The following PDCD6IP variants were observed in gnomAD, a reference collection of about 807,000 sequenced individuals.
PDCD6IP encodes the protein programmed cell death 6-interacting protein.
In PDCD6IP, 43 loss-of-function variants were observed where a neutral mutation model predicts 103.7. That is an observed-to-expected ratio of 0.41 (90% CI 0.32 to 0.53). The LOEUF (loss-of-function observed/expected upper bound fraction) is 0.53, where lower values mean the gene tolerates loss of function less well. Ranked by LOEUF, PDCD6IP falls within the 20% of genes least tolerant of loss-of-function variation. PDCD6IP has a pLI of 0.16. For missense variants in PDCD6IP, 871 were observed against 1,036.7 expected, an observed-to-expected ratio of 0.84 and a Z score of 2.20; for synonymous variants, 354 against 378.7, an observed-to-expected ratio of 0.93 and a Z score of 0.76.
intron 7 of PDCD6IP, among the ~76,000 whole-genome samples, chr3:33,829,877 G>T (rs1018893856): frequency 5.9e-5 from 9 of 152,180 alleles, no homozygotes; most frequent in Admixed American, 5.9e-4. Context: ...GAGGGCCTTT[G>T]TGTTGTGTTA....
At chr3:33,858,249 A>G (rs1697872441) in intron 15 of PDCD6IP, among the ~76,000 whole-genome samples, 1 of 152,248 alleles carries the variant, frequency 6.6e-6, no homozygotes, top group Non-Finnish European at 1.5e-5. Context: ...CAGTATTTCA[A>G]AAAGAAGGCT....
At position 33,798,781 on chromosome 3, in the gene PDCD6IP, C is replaced by T; in HGVS notation, c.53C>T (p.Ala18Val). Residue 18 changes from alanine (A) to valine (V), a missense_variant, in exon 1 of 18, where the codon GCC becomes GTC. Physicochemically the swap from Ala to Val is moderately conservative, Grantham distance 64 (BLOSUM62 0). Transcript: ENST00000307296. ...QLKKTSEVDL[A>V]KPLVKFIQQT... ...AAAAAGACCTCAGAGGTGGACCTGGCCAAGCCGCTGGTGAAGTTCATCCAG... is the reference window on the plus strand; with the variant it reads ...AAAAAGACCTCAGAGGTGGACCTGGTCAAGCCGCTGGTGAAGTTCATCCAG... The T allele has an allele frequency of 6.4e-7, 1 of 1,574,054 alleles. No homozygotes were observed. The highest frequency in any genetic ancestry group is 8.6e-7 in the Non-Finnish European group (1 of 1,160,756).
At chr3:33,838,944 C>T (rs1210166216) in intron 9 of PDCD6IP, among the ~76,000 whole-genome samples, 17 of 151,726 alleles carry the variant, frequency 1.1e-4, no homozygotes, top group Non-Finnish European at 2.5e-4. Flanking sequence ...TAGCTGAGGC[C>T]ACAGGTGCAA....
intron 4 of PDCD6IP, among the ~76,000 whole-genome samples, chr3:33,822,653 T>TTTTA (rs771692445): frequency 2.0e-5 from 3 of 152,062 alleles, no homozygotes; most frequent in Admixed American, 6.6e-5. Context: ...GTTTATTTTA[T>TTTTA]TTTATTTATT....
intron 1 of PDCD6IP, 100 bp from the exon 2 acceptor site, chr3:33,811,969 AAGT>A: frequency 2.9e-6 from 4 of 1,402,342 alleles, no homozygotes; most frequent in South Asian, 1.5e-5. Flanking sequence ...TAGCTGCTCA[AAGT>A]AAGCATGAAT....
Position 33,868,460 on chromosome 3 carries a change from A to G in PDCD6IP, c.*1935A>G, listed in dbSNP as rs1446618356. On this transcript the variant is annotated 3_prime_UTR_variant, in exon 18 of 18. Transcript: ENST00000307296. ...GCCACAGGAAGATCATTCAGAAACT[A>G]GGAAAGGAGGCCCCCACAGCTGATC... 1 of 152,704 alleles carries G rather than the reference A, an allele frequency of 6.5e-6. No individual in the cohort carries two copies. The highest frequency in any genetic ancestry group is 1.5e-5 in the Non-Finnish European group (1 of 68,192). 9.5% of individuals were successfully genotyped at this position (152,704 alleles called of 1,614,324 possible).
At chr3:33,860,515 G>A (rs939286502) in intron 15 of PDCD6IP, among the ~76,000 whole-genome samples, 3 of 152,146 alleles carry the variant, frequency 2.0e-5, no homozygotes, top group Non-Finnish European at 4.4e-5. Context: ...CACCCTAAAA[G>A]CATTGTTAAT....
chr3:33,856,934 A>G (rs1374341550), intron 15 of PDCD6IP, among the ~76,000 whole-genome samples: 1 of 152,140 alleles, frequency 6.6e-6, no homozygotes, highest in Non-Finnish European at 1.5e-5. Context: ...TAATAAATAT[A>G]AAGAGCTGAA....
chr3:33,834,014 G>T (rs1249254390), intron 7 of PDCD6IP, among the ~76,000 whole-genome samples: 1 of 152,046 alleles, frequency 6.6e-6, no homozygotes, highest in Non-Finnish European at 1.5e-5. Flanking sequence ...TCAAGTTGAT[G>T]CATCTACTTT....
chr3:33,835,577 G>T (rs1053552604), intron 7 of PDCD6IP, among the ~76,000 whole-genome samples: 2 of 152,160 alleles, frequency 1.3e-5, no homozygotes, highest in Non-Finnish European at 2.9e-5. Context: ...AATTAGCTTG[G>T]TGTGGGGGTG....
intron 7 of PDCD6IP, among the ~76,000 whole-genome samples, chr3:33,834,855 T>C (rs58873495): frequency 0.14 from 20,833 of 152,180 alleles, 1,861 homozygotes; most frequent in East Asian, 0.39. Flanking sequence ...TCTCTATGTC[T>C]GGTAAACCAA....
chr3:33,819,471 A>G (rs1040859341), intron 3 of PDCD6IP, among the ~76,000 whole-genome samples: 5 of 152,080 alleles, frequency 3.3e-5, no homozygotes, highest in African/African-American at 1.2e-4. Flanking sequence ...TTTTTTCACA[A>G]CCTGGTTATT....
chr3:33,840,366 C>G (rs578013387), intron 9 of PDCD6IP, among the ~76,000 whole-genome samples: 1 of 152,162 alleles, frequency 6.6e-6, no homozygotes, highest in Admixed American at 6.5e-5. Context: ...TGCTGTCTTA[C>G]AGGTGGCAGA....
At chr3:33,828,558 C>T (rs1045533978) in intron 6 of PDCD6IP, 9 of 195,956 alleles carry the variant, frequency 4.6e-5, no homozygotes, top group Non-Finnish European at 9.4e-5. Context: ...TTTTTGTAAA[C>T]AAAATGTTGA....
Position 33,865,257 on chromosome 3 carries a change from G to T in PDCD6IP, c.2259G>T (p.Gln753His). 1 of 1,552,884 alleles carries T rather than the reference G, an allele frequency of 6.4e-7. No homozygotes were observed. Among genetic ancestry groups the T allele is most frequent in the Non-Finnish European group, 8.6e-7 (1 of 1,156,098 alleles). Residue 753 changes from glutamine to histidine, a missense_variant, in exon 17 of 18, where the codon CAG (glutamine) becomes CAT (histidine). This residue lies in a region of PDCD6IP where 202 missense variants were observed against 205.2 expected (regional missense o/e 0.98). Transcript: ENST00000307296. Reference protein sequence around the residue: ...APRTMPPTKPQPPARPPPPVL... With the variant: ...APRTMPPTKPHPPARPPPPVL... Reference sequence around the variant, plus strand: ...TTTTCTTATAGCCTACTAAGCCCCAGCCCCCAGCCAGGCCTCCACCACCTG... The same window carrying T: ...TTTTCTTATAGCCTACTAAGCCCCATCCCCCAGCCAGGCCTCCACCACCTG...
Position 33,864,081 on chromosome 3 carries a change from A to G in PDCD6IP, c.2196A>G (p.Ala732=), listed in dbSNP as rs752318584. 6.2e-7 allele frequency: 1 copy of G among 1,613,756 alleles called. No individual in the cohort carries two copies. The highest frequency in any genetic ancestry group is 1.7e-5 in the Admixed American group (1 of 60,016). Residue 732 remains alanine, a synonymous_variant, in exon 16 of 18, where the codon GCA becomes GCG. Transcript: ENST00000307296. The part of the protein sequence containing the change: ...IPTPAYQSSP[A]GGHAPTPPTP... ...CACCTGCGTATCAGTCCTCACCAGC[A>G]GGAGGACATGCACCAACTCCTCCAA...
rs1697743248 is a variant in PDCD6IP, at chr3:33,852,651, C to T, written c.1805C>T (p.Thr602Ile). 12 of 1,600,444 alleles carry T rather than the reference C, an allele frequency of 7.5e-6. No individual in the cohort carries two copies. Among genetic ancestry groups the T allele is most frequent in the Non-Finnish European group, 1.0e-5 (12 of 1,176,550 alleles). Residue 602 changes from threonine (T) to isoleucine (I), a missense_variant, in exon 13 of 18, where the codon ACT (threonine) becomes ATT (isoleucine). Thr to Ile is a moderately conservative substitution (Grantham distance 89, BLOSUM62 -1). Around this residue, in one of 5 missense-constraint regions of PDCD6IP, gnomAD observed 266 missense variants for 390.5 expected, o/e 0.68. Coordinates refer to ENST00000307296, the MANE Select transcript of PDCD6IP (RefSeq NM_013374.6). Reference sequence around the variant, plus strand: ...ATAAATGAAGAAGCTCTTTCTGTTACTGAACTAGATCGAGTCTATGGAGGT... The same window carrying T: ...ATAAATGAAGAAGCTCTTTCTGTTATTGAACTAGATCGAGTCTATGGAGGT... The part of the protein sequence containing the change: ...GVINEEALSV[T>I]ELDRVYGGLT...
rs1288173675 is a variant in PDCD6IP, at chr3:33,838,262, G to C, written c.1116G>C (p.Gln372His). 6.2e-7 allele frequency: 1 copy of C among 1,613,490 alleles called. No individual in the cohort carries two copies. The highest frequency in any genetic ancestry group is 2.2e-5 in the East Asian group (1 of 44,864). ...AGCAGTCTTTGGCTGCCTATAATCA[G>C]AGGAAAGCCGATTTGGTTAACAGAT... The part of the protein sequence containing the change: ...SVQQSLAAYN[Q>H]RKADLVNRSI... Residue 372 changes from glutamine (Q) to histidine (H), a missense_variant, in exon 9 of 18, where the codon CAG becomes CAC. This residue lies in a region of PDCD6IP where 266 missense variants were observed against 390.5 expected (regional missense o/e 0.68). Coordinates refer to ENST00000307296, the MANE Select transcript of PDCD6IP (RefSeq NM_013374.6).
At position 33,836,018 on chromosome 3, in the gene PDCD6IP, T is replaced by G. The variant is rs200484692; in HGVS notation, c.835-26T>G. On this transcript the variant is annotated intron_variant, in intron 7 of 17. Coordinates refer to ENST00000307296, the MANE Select transcript of PDCD6IP (RefSeq NM_013374.6). ...TAAAATCACCTCCCTCTTTTTTTTT[T>G]TTGTTGTTGACGTTTTTCTTTTTAG... 936 of 1,253,488 alleles carry G rather than the reference T, an allele frequency of 7.5e-4. 3 individuals carry two copies. The highest frequency in any genetic ancestry group is 7.4e-3 in the African/African-American group (492 of 66,702). The allele number at this position is 1,253,488 out of a possible 1,614,324, so 77.6% of individuals were successfully genotyped here. A position where few individuals can be genotyped will look rare whatever the true frequency, so the allele number is the denominator to read the frequency against.
Sources: gnomAD v4.1 joint callset for allele counts (sites outside exome capture counted in the v4.1 genomes callset) on GRCh38, gnomAD v4.1.1 for gene constraint, gnomAD v4.1.1 regional missense constraint, MANE v1.5 for transcripts, NCBI Gene and HGNC (gene_info 2026-07-23, HGNC 2026-07-21) for gene names.